KCNQ5: variants seen among roughly 807,000 people sequenced by gnomAD.
KCNQ5 encodes potassium voltage-gated channel subfamily Q member 5.
A neutral mutation model predicts 98.2 loss-of-function variants in KCNQ5; 30 were observed. The ratio of observed to expected loss-of-function variants is 0.31; its 90% CI spans 0.23 to 0.41. The LOEUF (loss-of-function observed/expected upper bound fraction) is 0.41, where lower values mean the gene tolerates loss of function less well. KCNQ5 is among the 10% of genes least tolerant of loss of function. The pLI, the probability that KCNQ5 is intolerant of heterozygous loss-of-function variation, is 1.00. For missense variants in KCNQ5, 835 were observed against 1,182.5 expected (o/e 0.71, Z 4.31); for synonymous variants, 458 against 449.4 (o/e 1.02, Z -0.24).
chr6:72,926,179 C>A (rs1403172106), intron 1 of KCNQ5, among the ~76,000 whole-genome samples: 2 of 152,012 alleles, frequency 1.3e-5, no homozygotes, highest in Non-Finnish European at 2.9e-5. Flanking sequence ...CCTCATTCAT[C>A]CCAGGAACTA....
chr6:72,766,388 G>T (rs762191647), intron 1 of KCNQ5, among the ~76,000 whole-genome samples: 1 of 151,892 alleles, frequency 6.6e-6, no homozygotes, highest in African/African-American at 2.4e-5. Context: ...TCATCGGAAG[G>T]CTTTGAAAAA....
At chr6:72,946,983 C>T (rs920423355) in intron 1 of KCNQ5, among the ~76,000 whole-genome samples, 4 of 152,118 alleles carry the variant, frequency 2.6e-5, no homozygotes, top group Admixed American at 2.6e-4. Context: ...AGTCTCACAA[C>T]TCTTCATATT....
chr6:72,878,706 C>G (rs1778520111), intron 1 of KCNQ5, among the ~76,000 whole-genome samples: 1 of 152,152 alleles, frequency 6.6e-6, no homozygotes, highest in South Asian at 2.1e-4. Context: ...TTCATGTGAA[C>G]TTCATGAAGT....
intron 1 of KCNQ5, among the ~76,000 whole-genome samples, chr6:72,889,990 C>T (rs1778996915): frequency 6.6e-6 from 1 of 152,158 alleles, no homozygotes; most frequent in Non-Finnish European, 1.5e-5. Flanking sequence ...CTGAATGGTG[C>T]TTGGAAGGTG....
chr6:72,934,893 C>A (rs571835857), intron 1 of KCNQ5, among the ~76,000 whole-genome samples: 1 of 152,188 alleles, frequency 6.6e-6, no homozygotes, highest in Non-Finnish European at 1.5e-5. Context: ...CCCACTGAAA[C>A]CTCTAATACA....
intron 1 of KCNQ5, among the ~76,000 whole-genome samples, chr6:72,926,119 A>T (rs1351733551): frequency 3.3e-5 from 5 of 152,118 alleles, no homozygotes; most frequent in Non-Finnish European, 7.4e-5. Context: ...GGGGATTGAG[A>T]GCTGAGGCTG....
At chr6:73,104,286 T>C (rs1774915223) in intron 5 of KCNQ5, among the ~76,000 whole-genome samples, 2 of 152,082 alleles carry the variant, frequency 1.3e-5, no homozygotes, top group African/African-American at 2.4e-5. Flanking sequence ...CAAAAATCAC[T>C]AGCATTTCTA....
At chr6:72,823,853 A>AT (rs1775869512) in intron 1 of KCNQ5, among the ~76,000 whole-genome samples, 1 of 152,236 alleles carries the variant, frequency 6.6e-6, no homozygotes, top group African/African-American at 2.4e-5. Flanking sequence ...ACACATTCAA[A>AT]TACATTTCAT....
chr6:72,785,604 C>T (rs1319898234), intron 1 of KCNQ5, among the ~76,000 whole-genome samples: 7 of 151,162 alleles, frequency 4.6e-5, no homozygotes, highest in Non-Finnish European at 1.0e-4. Context: ...GAGCCAAGAT[C>T]GCACCATTGC....
chr6:72,722,976 A>G (rs1169681242), intron 1 of KCNQ5, among the ~76,000 whole-genome samples: 1 of 151,096 alleles, frequency 6.6e-6, no homozygotes, highest in African/African-American at 2.4e-5. Flanking sequence ...CAGCTTCCCA[A>G]GCAGCTAGGA....
At chr6:72,627,451 T>A (rs562676929) in intron 1 of KCNQ5, among the ~76,000 whole-genome samples, 5 of 152,276 alleles carry the variant, frequency 3.3e-5, no homozygotes, top group African/African-American at 1.2e-4. Flanking sequence ...CAAAGGAAGA[T>A]GCATACGGAA....
At chr6:72,916,303 G>T (rs927254595) in intron 1 of KCNQ5, among the ~76,000 whole-genome samples, 3 of 152,082 alleles carry the variant, frequency 2.0e-5, no homozygotes, top group Admixed American at 1.3e-4. Context: ...GCATTACATG[G>T]TCATAACCCA....
chr6:72,686,845 C>G (rs907051399), intron 1 of KCNQ5, among the ~76,000 whole-genome samples: 1 of 150,386 alleles, frequency 6.6e-6, no homozygotes, highest in African/African-American at 2.4e-5. Context: ...TAATGTTACT[C>G]AGGTGTTCTG....
At chr6:72,689,703 A>G (rs986678117) in intron 1 of KCNQ5, among the ~76,000 whole-genome samples, 1 of 152,238 alleles carries the variant, frequency 6.6e-6, no homozygotes, top group African/African-American at 2.4e-5. Flanking sequence ...TACATACCTG[A>G]AATGCATTAC....
At chr6:73,128,048 G>C (rs556217864) in intron 9 of KCNQ5, among the ~76,000 whole-genome samples, 1 of 152,050 alleles carries the variant, frequency 6.6e-6, no homozygotes, top group African/African-American at 2.4e-5. Flanking sequence ...CTGGATGACA[G>C]AGCAAGACTC....
At chr6:72,994,510 G>C (rs1197448129) in intron 1 of KCNQ5, among the ~76,000 whole-genome samples, 3 of 139,260 alleles carry the variant, frequency 2.2e-5, no homozygotes, top group Non-Finnish European at 3.1e-5. Flanking sequence ...GCCTCGCCCT[G>C]CTTTGGCTCG....
chr6:72,804,915 A>C (rs1179301954), intron 1 of KCNQ5, among the ~76,000 whole-genome samples: 1 of 152,144 alleles, frequency 6.6e-6, no homozygotes, highest in Non-Finnish European at 1.5e-5. Flanking sequence ...TCTAATAACC[A>C]GTGATTTGAA....
At chr6:72,655,022 G>GTCCGTCTT (rs1766078262) in intron 1 of KCNQ5, among the ~76,000 whole-genome samples, 1 of 118,978 alleles carries the variant, frequency 8.4e-6, no homozygotes, top group African/African-American at 3.1e-5. Context: ...GCCAAGGTCT[G>GTCCGTCTT]TCTGTCTTTC....
chr6:72,998,445 A>T (rs1430556137), intron 1 of KCNQ5, among the ~76,000 whole-genome samples: 1 of 152,066 alleles, frequency 6.6e-6, no homozygotes, highest in East Asian at 1.9e-4. Context: ...TCCATTTAAA[A>T]CATTTAAGGG....
Sources: gnomAD v4.1 joint callset for allele counts (sites outside exome capture counted in the v4.1 genomes callset) on GRCh38, gnomAD v4.1.1 for gene constraint, MANE v1.5 for transcripts, NCBI Gene and HGNC (gene_info 2026-07-23, HGNC 2026-07-21) for gene names.